ADGRL3: variants seen among roughly 807,000 people sequenced by gnomAD.
The protein encoded by ADGRL3 is adhesion G protein-coupled receptor L3.
ADGRL3 carries 62 observed loss-of-function variants against 153.5 expected under a neutral mutation model. The ratio of observed to expected loss-of-function variants is 0.40; its 90% confidence interval spans 0.33 to 0.50. ADGRL3 has a LOEUF of 0.50. Ranked by LOEUF, ADGRL3 falls within the 20% of genes least tolerant of loss-of-function variation. ADGRL3 has a pLI of 0.47. For missense variants in ADGRL3, 1,641 were observed against 1,859.4 expected (o/e 0.88, Z 2.16); for synonymous variants, 710 against 672.5 (o/e 1.06, Z -0.86).
intron 9 of ADGRL3, among the ~76,000 whole-genome samples, chr4:61,828,211 A>C (rs1446450647): frequency 6.6e-6 from 1 of 152,128 alleles, no homozygotes; most frequent in African/African-American, 2.4e-5. Context: ...GTAGTTCTTC[A>C]TTTCAATGTG....
intron 1 of ADGRL3, among the ~76,000 whole-genome samples, chr4:61,231,683 G>T (rs1750717590): frequency 6.6e-6 from 1 of 151,900 alleles, no homozygotes; most frequent in Non-Finnish European, 1.5e-5. Context: ...TTTTTGTAAC[G>T]GTCTATTTAC....
At chr4:61,578,746 C>G (rs189572915) in intron 4 of ADGRL3, among the ~76,000 whole-genome samples, 1 of 152,178 alleles carries the variant, frequency 6.6e-6, no homozygotes, top group East Asian at 1.9e-4. Context: ...CTCAAATCTT[C>G]GTCATTCGAG....
chr4:61,968,531 T>G (rs2099015039), intron 17 of ADGRL3, among the ~76,000 whole-genome samples: 1 of 152,162 alleles, frequency 6.6e-6, no homozygotes, highest in Admixed American at 6.6e-5. Context: ...AAGGCCAATA[T>G]TTTAACATAT....
intron 1 of ADGRL3, among the ~76,000 whole-genome samples, chr4:61,375,226 T>C (rs895541077): frequency 3.9e-5 from 6 of 152,182 alleles, no homozygotes; most frequent in African/African-American, 1.4e-4. Context: ...TTAGGCTATT[T>C]TTCCTTGTAT....
At chr4:61,607,802 G>T (rs2149627565) in intron 5 of ADGRL3, among the ~76,000 whole-genome samples, 1 of 152,226 alleles carries the variant, frequency 6.6e-6, no homozygotes, top group East Asian at 1.9e-4. Flanking sequence ...GGCAGTTTCA[G>T]CCCCTGAACA....
intron 5 of ADGRL3, among the ~76,000 whole-genome samples, chr4:61,630,297 A>G (rs1186414312): frequency 6.6e-6 from 1 of 152,226 alleles, no homozygotes; most frequent in Non-Finnish European, 1.5e-5. Context: ...TGATGTTATT[A>G]AAATTTCATA....
rs1735159087 is a variant in ADGRL3 at position 61,202,427 on chromosome 4, G to A, written c.-240+662G>A. Among the ~76,000 whole-genome samples the A allele has an allele frequency of 2.0e-5, 3 of 152,156 alleles. No individual in the cohort carries two copies. The highest frequency in any genetic ancestry group is 2.9e-5 in the Non-Finnish European group (2 of 68,028). ...GTTTGGTTTAGACCTGCGTGCCCAG[G>A]CTTTGTTAGGCGGTTTTGGCTGGAG... On this transcript the variant is annotated intron_variant, in intron 1 of 26. Transcript: ENST00000683033. The surrounding 1 kb of genome is among the most constrained non-coding windows in gnomAD (Gnocchi z 5.0).
chr4:61,939,175 A>G (rs747427992), intron 15 of ADGRL3, among the ~76,000 whole-genome samples: 1 of 152,320 alleles, frequency 6.6e-6, no homozygotes, highest in Non-Finnish European at 1.5e-5. Flanking sequence ...TTAAAATAAC[A>G]TGACAGTTGA....
chr4:61,377,370 T>C (rs912060296), intron 1 of ADGRL3, among the ~76,000 whole-genome samples: 2 of 152,126 alleles, frequency 1.3e-5, no homozygotes, highest in Admixed American at 6.6e-5. Flanking sequence ...TTGGGTAATA[T>C]ATTGACTAAG....
At chr4:61,589,410 C>T (rs573725767) in intron 5 of ADGRL3, among the ~76,000 whole-genome samples, 86 of 152,142 alleles carry the variant, frequency 5.7e-4, no homozygotes, top group African/African-American at 1.9e-3. Context: ...TTATAATGAA[C>T]GTAGTTACAC....
chr4:61,239,136 AT>A (rs1265077795), intron 1 of ADGRL3, among the ~76,000 whole-genome samples: 1 of 152,092 alleles, frequency 6.6e-6, no homozygotes, highest in Non-Finnish European at 1.5e-5. Context: ...GGCTGTTTTA[AT>A]TTTTTGTTTT....
intron 9 of ADGRL3, among the ~76,000 whole-genome samples, chr4:61,869,299 T>C (rs1422733707): frequency 2.0e-5 from 3 of 152,052 alleles, no homozygotes; most frequent in Non-Finnish European, 1.5e-5. Flanking sequence ...TAGCAAGTAC[T>C]GAGAGATTTA....
intron 9 of ADGRL3, among the ~76,000 whole-genome samples, chr4:61,818,308 T>A (rs1483744418): frequency 6.6e-6 from 1 of 152,184 alleles, no homozygotes; most frequent in Non-Finnish European, 1.5e-5. Flanking sequence ...CTCCTTTGCC[T>A]CCATGTCTCA....
chr4:61,669,799 C>A (rs1398699246), intron 5 of ADGRL3, among the ~76,000 whole-genome samples: 1 of 151,950 alleles, frequency 6.6e-6, no homozygotes, highest in Non-Finnish European at 1.5e-5. Flanking sequence ...ATTATCCTAC[C>A]CTGTCTTTAA....
intron 2 of ADGRL3, among the ~76,000 whole-genome samples, chr4:61,489,347 G>A (rs1209067242): frequency 1.4e-5 from 2 of 147,314 alleles, no homozygotes; most frequent in Admixed American, 1.3e-4. Context: ...GAAAACAGTA[G>A]CTTAGTTTAA....
chr4:61,819,645 A>G (rs1344551046), intron 9 of ADGRL3, among the ~76,000 whole-genome samples: 1 of 152,150 alleles, frequency 6.6e-6, no homozygotes, highest in Admixed American at 6.5e-5. Flanking sequence ...GCAATATGAA[A>G]CAAAAACATT....
chr4:61,308,579 A>G (rs984345352), intron 1 of ADGRL3, among the ~76,000 whole-genome samples: 13 of 152,202 alleles, frequency 8.5e-5, no homozygotes, highest in Middle Eastern at 3.2e-3. Flanking sequence ...CCGTAACTGC[A>G]TCTGAAATTC....
intron 1 of ADGRL3, among the ~76,000 whole-genome samples, chr4:61,264,255 A>G (rs1161401821): frequency 6.6e-6 from 1 of 151,946 alleles, no homozygotes; most frequent in Non-Finnish European, 1.5e-5. Flanking sequence ...CAGTGAACTG[A>G]TTTCTAGGGG....
At chr4:61,907,890 C>A (rs1236512167) in intron 11 of ADGRL3, among the ~76,000 whole-genome samples, 1 of 152,158 alleles carries the variant, frequency 6.6e-6, no homozygotes, top group Non-Finnish European at 1.5e-5. Context: ...GAATGCCTAA[C>A]TTTCTGAGAA....
Sources: gnomAD v4.1 joint callset for allele counts (sites outside exome capture counted in the v4.1 genomes callset) on GRCh38, gnomAD v4.1.1 for gene constraint, Gnocchi (gnomAD v3.1) non-coding constraint, MANE v1.5 for transcripts, NCBI Gene and HGNC (gene_info 2026-07-23, HGNC 2026-07-21) for gene names.